HSF2: variants seen among roughly 807,000 people sequenced by gnomAD.
HSF2 encodes heat shock factor protein 2.
A neutral mutation model predicts 65.0 loss-of-function variants in HSF2; 21 were observed. That is an observed-to-expected ratio of 0.32 (90% CI 0.23 to 0.47). The LOEUF (loss-of-function observed/expected upper bound fraction) is 0.47. Among genes scored for constraint, HSF2 ranks in the 20% least tolerant of loss-of-function variants. The pLI is 1.00. For synonymous variants in HSF2, 225 were observed against 219.1 expected (o/e 1.03, Z -0.24); for missense variants, 499 against 628.1 (o/e 0.79, Z 2.20).
chr6:122,408,717 T>C (rs1208353081), intron 1 of HSF2, among the ~76,000 whole-genome samples: 1 of 152,142 alleles, frequency 6.6e-6, no homozygotes, highest in Non-Finnish European at 1.5e-5. Flanking sequence ...ATGCCTTCCG[T>C]TTTTCTTTTG....
chr6:122,426,819 C>T (rs1469538328), intron 10 of HSF2, among the ~76,000 whole-genome samples: 2 of 152,024 alleles, frequency 1.3e-5, no homozygotes, highest in Non-Finnish European at 2.9e-5. Context: ...TTTCATCATT[C>T]AGGCCATTCC....
At chr6:122,429,407 A>C (rs892141828) in intron 11 of HSF2, among the ~76,000 whole-genome samples, 1 of 152,080 alleles carries the variant, frequency 6.6e-6, no homozygotes, top group Non-Finnish European at 1.5e-5. Flanking sequence ...GAAAAATTAC[A>C]TTTGAGAGTG....
intron 7 of HSF2, among the ~76,000 whole-genome samples, chr6:122,421,230 A>G (rs578868): frequency 0.54 from 82,648 of 151,752 alleles, 22,762 homozygotes; most frequent in South Asian, 0.68. Context: ...GTGGCAAATT[A>G]GTCCAGTCCA....
intron 7 of HSF2, 120 bp from the exon 8 acceptor site, chr6:122,422,030 C>G: frequency 1.5e-6 from 1 of 662,704 alleles, no homozygotes; most frequent in Non-Finnish European, 2.6e-6. Context: ...AGAGAACACA[C>G]CTGTTTTGCA....
chr6:122,413,671 T>C (rs915149900), intron 4 of HSF2, 22 bp downstream of exon 4: 1 of 1,584,228 alleles, frequency 6.3e-7, no homozygotes, highest in Non-Finnish European at 8.6e-7. Flanking sequence ...TTTCCAAATA[T>C]AATTTTAATC....
chr6:122,412,913 A>G (rs899352036), intron 3 of HSF2, 149 bp downstream of exon 3: 2 of 722,382 alleles, frequency 2.8e-6, no homozygotes, highest in Non-Finnish European at 4.1e-6. Context: ...GTTTCCCTGT[A>G]TTTTTTTCCT....
chr6:122,403,422 A>T (rs1294028450), intron 1 of HSF2, among the ~76,000 whole-genome samples: 1 of 152,136 alleles, frequency 6.6e-6, no homozygotes, highest in Non-Finnish European at 1.5e-5. Flanking sequence ...CCTGGGCAAC[A>T]TGGTGAAACC....
At chr6:122,429,230 A>G (rs1197254797) in intron 11 of HSF2, among the ~76,000 whole-genome samples, 4 of 152,064 alleles carry the variant, frequency 2.6e-5, no homozygotes, top group Admixed American at 1.3e-4. Flanking sequence ...GAATGGACCC[A>G]TATCATTTGT....
chr6:122,424,899 T>C (rs1306277853), intron 10 of HSF2, among the ~76,000 whole-genome samples: 1 of 152,038 alleles, frequency 6.6e-6, no homozygotes, highest in Non-Finnish European at 1.5e-5. Context: ...TTTAAAACAT[T>C]TGCCACATTT....
At chr6:122,423,813 A>T in intron 10 of HSF2, 127 bp downstream of exon 10, 1 of 493,688 alleles carries the variant, frequency 2.0e-6, no homozygotes, top group Non-Finnish European at 3.6e-6. Context: ...TAAATTAATA[A>T]TTTTGTTTAT....
In HSF2 at chr6:122,432,014, G is replaced by T. The variant is rs1774482300; in HGVS notation, c.1405G>T (p.Ala469Ser). The T allele has an allele frequency of 6.2e-7, 1 of 1,613,988 alleles. No individual in the cohort carries two copies. Residue 469 changes from alanine (A) to serine (S), a missense_variant, in exon 13 of 13, where the codon GCA becomes TCA. By Grantham distance (99) the Ala-to-Ser change is moderately conservative. This residue lies in a region of HSF2 where 349 missense variants were observed against 393.5 expected (regional missense o/e 0.89). Coordinates refer to ENST00000368455, the MANE Select transcript of HSF2 (RefSeq NM_004506.4). ...ASSVEQASTT[A>S]SSEVLSSVDK... ...TTCTGTTGAACAGGCGAGTACAACA[G>T]CATCATCAGAAGTTTTGTCCTCTGT...
chr6:122,402,108 C>A (rs1357873831), intron 1 of HSF2, among the ~76,000 whole-genome samples: 5 of 152,222 alleles, frequency 3.3e-5, no homozygotes, highest in Non-Finnish European at 7.3e-5. Flanking sequence ...TGGCCCAAGA[C>A]AATTCTTCTT....
At chr6:122,404,083 A>AAAGACTTCATACCCAGCTTTCCCCCC (rs1312666831) in intron 1 of HSF2, among the ~76,000 whole-genome samples, 3 of 152,208 alleles carry the variant, frequency 2.0e-5, no homozygotes, top group African/African-American at 7.2e-5. Flanking sequence ...GATTTCCACC[A>AAAGACTTCATACCCAGCTTTCCCCCC]AAGACTTCAT....
At chr6:122,422,638 T>C (rs910638629) in intron 8 of HSF2, 80 bp from the exon 9 acceptor site, 20 of 1,450,742 alleles carry the variant, frequency 1.4e-5, no homozygotes, top group Non-Finnish European at 1.7e-5. Context: ...GGGGAGAGAG[T>C]TTCCATTTAG....
intron 5 of HSF2, among the ~76,000 whole-genome samples, chr6:122,416,511 G>A (rs941551984): frequency 2.6e-5 from 4 of 152,220 alleles, no homozygotes; most frequent in African/African-American, 7.2e-5. Context: ...TTCCATACTC[G>A]CAGATAATGT....
At chr6:122,413,018 C>G (rs974520897) in intron 3 of HSF2, among the ~76,000 whole-genome samples, 6 of 151,566 alleles carry the variant, frequency 4.0e-5, no homozygotes, top group Non-Finnish European at 8.8e-5. Flanking sequence ...ACATCCAGTA[C>G]CTACAATAAG....
rs551273108 is a variant in HSF2 at position 122,417,651 on chromosome 6, TGTAA to T, written c.531+1358_531+1361del. Among the ~76,000 whole-genome samples the T allele has an allele frequency of 5.0e-4, 76 of 152,312 alleles. No homozygotes were observed. In the South Asian group the frequency reaches 0.014, roughly 28 times the overall value. ...CTTAACAGGTACAGAAGTTACATGC[TGTAA>T]GTGTTAGACGCCTTATCTTCTTCAG... is the stretch of plus-strand genomic sequence containing the variant. On this transcript the variant is annotated intron_variant, in intron 5 of 12. Coordinates refer to ENST00000368455, the MANE Select transcript of HSF2 (RefSeq NM_004506.4).
chr6:122,426,035 T>C (rs1774332666), intron 10 of HSF2, among the ~76,000 whole-genome samples: 1 of 152,120 alleles, frequency 6.6e-6, no homozygotes, highest in African/African-American at 2.4e-5. Flanking sequence ...CCTTGAATTC[T>C]CTTTCTCTCA....
At chr6:122,427,015 T>C (rs956188735) in intron 10 of HSF2, among the ~76,000 whole-genome samples, 27 of 152,188 alleles carry the variant, frequency 1.8e-4, no homozygotes, top group African/African-American at 6.5e-4. Flanking sequence ...TAACCTAATA[T>C]TCTCCAGGTA....
Sources: allele counts gnomAD v4.1 joint callset (sites outside exome capture counted in the v4.1 genomes callset), GRCh38; gene constraint gnomAD v4.1.1; regional missense constraint gnomAD v4.1.1; transcripts MANE v1.5; gene names NCBI Gene and HGNC (gene_info 2026-07-23, HGNC 2026-07-21).